SPATA22: variants seen among roughly 807,000 people sequenced by gnomAD.
SPATA22 encodes the protein spermatogenesis-associated protein 22.
In SPATA22, 29 loss-of-function variants were observed where a neutral mutation model predicts 47.8. The ratio of observed to expected loss-of-function variants is 0.61; its 90% confidence interval spans 0.45 to 0.83. The LOEUF is 0.83. Among genes scored for constraint, SPATA22 ranks in the 40% least tolerant of loss-of-function variants. The pLI, the probability that SPATA22 is intolerant of heterozygous loss-of-function variation, is 0.00. For missense variants in SPATA22, 410 were observed against 421.7 expected, an observed-to-expected ratio of 0.97 and a Z score of 0.24; for synonymous variants, 133 against 140.9, an observed-to-expected ratio of 0.94 and a Z score of 0.40.
At chr17:3,475,105 T>G (rs2073501554), upstream of SPATA22, among the ~76,000 whole-genome samples, 1 of 152,234 alleles carries the variant, frequency 6.6e-6, no homozygotes, top group Non-Finnish European at 1.5e-5. Context: ...CAACCTGGCG[T>G]TACTAGTACA....
chr17:3,507,862 A>G (rs2074056970), intron 1 of SPATA22, among the ~76,000 whole-genome samples: 1 of 152,198 alleles, frequency 6.6e-6, no homozygotes, highest in Non-Finnish European at 1.5e-5. Flanking sequence ...CAATTGACCT[A>G]GGCATCTCCT....
intron 1 of SPATA22, chr17:3,510,551 A>G (rs935035035): frequency 1.3e-5 from 2 of 152,238 alleles, no homozygotes; most frequent in African/African-American, 4.8e-5. Context: ...CATTTCTTCA[A>G]TGGCACAAAC....
upstream of SPATA22, chr17:3,475,989 CG>C (rs1366623071): frequency 6.2e-6 from 4 of 642,096 alleles, no homozygotes; most frequent in Non-Finnish European, 1.1e-5. Flanking sequence ...TGTCCATAAA[CG>C]GGGCTCAGAA....
chr17:3,475,892 T>C (rs1039938008), upstream of SPATA22: 6 of 482,252 alleles, frequency 1.2e-5, no homozygotes, highest in Admixed American at 3.4e-5. Context: ...CTGAGGGAGT[T>C]AGAAGTTAAA....
intron 7 of SPATA22, among the ~76,000 whole-genome samples, chr17:3,445,138 C>T (rs368797983): frequency 1.3e-5 from 2 of 152,128 alleles, no homozygotes; most frequent in African/African-American, 2.4e-5. Context: ...ATCTTTCACA[C>T]AGGAAAAAGC....
intron 1 of SPATA22, among the ~76,000 whole-genome samples, chr17:3,505,603 G>A (rs879058928): frequency 6.6e-6 from 1 of 152,150 alleles, no homozygotes; most frequent in Admixed American, 6.5e-5. Flanking sequence ...GAGTCCCATG[G>A]GGGTGACCAG....
At chr17:3,504,203 C>T (rs188406707) in intron 1 of SPATA22, among the ~76,000 whole-genome samples, 193 of 152,268 alleles carry the variant, frequency 1.3e-3, no homozygotes, top group Non-Finnish European at 2.3e-3. Flanking sequence ...TGGTCTTCGT[C>T]GACCTGACTT....
At chr17:3,443,873 C>T (rs2072654176) in intron 7 of SPATA22, among the ~76,000 whole-genome samples, 1 of 73,032 alleles carries the variant, frequency 1.4e-5, no homozygotes, top group South Asian at 3.1e-4. Context: ...CATAGTTATC[C>T]TTTGTGTGTG....
chr17:3,494,541 C>G (rs1053295028), intron 1 of SPATA22: 6 of 1,132,116 alleles, frequency 5.3e-6, no homozygotes, highest in Non-Finnish European at 6.7e-6. Flanking sequence ...TACAGCACTT[C>G]GCGTACATTC....
intron 3 of SPATA22, among the ~76,000 whole-genome samples, chr17:3,465,789 T>TAAAA (rs372510663): frequency 2.8e-5 from 3 of 106,022 alleles, no homozygotes; most frequent in South Asian, 2.6e-4. Flanking sequence ...AAATAAAAAT[T>TAAAA]TAAAAAACAA....
At chr17:3,447,439 A>G (rs1223434526) in intron 6 of SPATA22, among the ~76,000 whole-genome samples, 1 of 103,504 alleles carries the variant, frequency 9.7e-6, no homozygotes, top group Non-Finnish European at 2.5e-5. Flanking sequence ...AGATTCTAAC[A>G]TGCCTCCTGT....
At position 3,485,400 on chromosome 17, in the gene SPATA22, T is replaced by C. The variant is rs2073701388; in HGVS notation, c.-73-16002A>G. Among the ~76,000 whole-genome samples, 1 of 152,126 alleles carries C rather than the reference T, an allele frequency of 6.6e-6. No homozygotes were observed. Among genetic ancestry groups the C allele is most frequent in the Non-Finnish European group, 1.5e-5 (1 of 68,028 alleles). ...TGCAGGTTCTATAACTATAACCATA[T>C]ATAAAATACTAGCCAACCAGGAGAA... On this transcript the variant is annotated intron_variant, in intron 1 of 8. Coordinates refer to the SPATA22 transcript ENST00000541913. The surrounding 1 kb of genome is among the most constrained non-coding windows in gnomAD (Gnocchi z 4.4).
chr17:3,473,265 G>A (rs1487525721), upstream of SPATA22, among the ~76,000 whole-genome samples: 1 of 152,108 alleles, frequency 6.6e-6, no homozygotes, highest in Non-Finnish European at 1.5e-5. Flanking sequence ...TGGTCAGGAT[G>A]GATCACAGGG....
At chr17:3,477,023 C>T (rs536617246) in intron 1 of SPATA22, among the ~76,000 whole-genome samples, 17 of 151,926 alleles carry the variant, frequency 1.1e-4, no homozygotes, top group Non-Finnish European at 2.1e-4. Flanking sequence ...GGCGTAGTGG[C>T]GGGTGCCTGT....
chr17:3,475,258 G>A (rs2073503926), upstream of SPATA22, among the ~76,000 whole-genome samples: 1 of 152,022 alleles, frequency 6.6e-6, no homozygotes, highest in Admixed American at 6.6e-5. Context: ...ACCCCTTTTT[G>A]AGTAACACAG....
At chr17:3,448,566 A>G (rs2072780095) in intron 6 of SPATA22, among the ~76,000 whole-genome samples, 2 of 152,250 alleles carry the variant, frequency 1.3e-5, no homozygotes. Context: ...GTAAAGTGAA[A>G]GTCAGAATCC....
chr17:3,503,812 T>A (rs1033703035), intron 1 of SPATA22, among the ~76,000 whole-genome samples: 2 of 152,138 alleles, frequency 1.3e-5, no homozygotes, highest in African/African-American at 4.8e-5. Context: ...ATTTATAAAA[T>A]GGGAATGATA....
At chr17:3,481,898 C>T in intron 1 of SPATA22, 1 of 1,161,208 alleles carries the variant, frequency 8.6e-7, no homozygotes, top group Non-Finnish European at 1.2e-6. Context: ...AGGGAAGGTG[C>T]AAGAGAAATG....
intron 4 of SPATA22, 62 bp downstream of exon 4, chr17:3,462,645 G>A (rs1391784148): frequency 1.5e-5 from 23 of 1,572,032 alleles, no homozygotes; most frequent in Middle Eastern, 1.7e-4. Context: ...TAAGATATAC[G>A]TAGAAGAACA....
Sources: allele counts gnomAD v4.1 joint callset (sites outside exome capture counted in the v4.1 genomes callset), GRCh38; gene constraint gnomAD v4.1.1; non-coding constraint Gnocchi (gnomAD v3.1); transcripts MANE v1.5; gene names NCBI Gene and HGNC (gene_info 2026-07-23, HGNC 2026-07-21).